The following LRPAP1 variants were observed in gnomAD, a reference collection of about 807,000 sequenced individuals.
The protein encoded by LRPAP1 is LDL receptor related protein associated protein 1.
LRPAP1 carries 41 observed loss-of-function variants against 39.9 expected under a neutral mutation model. That is an observed-to-expected ratio of 1.03 (90% CI 0.80 to 1.33). The LOEUF (loss-of-function observed/expected upper bound fraction) is 1.33, where lower values mean the gene tolerates loss of function less well. LRPAP1 is among the 40% of genes most tolerant of loss of function. LRPAP1 has a pLI of 0.00. For synonymous variants in LRPAP1, 263 were observed against 212.7 expected (o/e 1.24, Z -2.06); for missense variants, 565 against 482.3 (o/e 1.17, Z -1.61).
rs1454094570 is a variant in LRPAP1, at chr4:3,517,714, G to A, written c.751+320C>T. On this transcript the variant is annotated intron_variant, in intron 5 of 7. Transcript: ENST00000650182. ...GAGCTATGTTTGACGAGTGGTCTCTGTTCTTGGCCAACAGCAGCACGGGAG... is the reference window on the plus strand; with the variant it reads ...GAGCTATGTTTGACGAGTGGTCTCTATTCTTGGCCAACAGCAGCACGGGAG... 9 of 255,512 alleles carry A rather than the reference G, an allele frequency of 3.5e-5. No homozygotes were observed. The Admixed American group carries it at 5.0e-4, about 14-fold the overall frequency. 15.8% of individuals were successfully genotyped at this position (255,512 alleles called of 1,614,324 possible). A position where few individuals can be genotyped will look rare whatever the true frequency, so the allele number is the denominator to read the frequency against.
intron 1 of LRPAP1, 59 bp from the exon 2 acceptor site, chr4:3,525,110 G>C: frequency 6.2e-7 from 1 of 1,600,560 alleles, no homozygotes; most frequent in East Asian, 2.2e-5. Flanking sequence ...GACACAGCGA[G>C]AAACTGACCT....
At chr4:3,526,994 A>G in intron 1 of LRPAP1, among the ~76,000 whole-genome samples, 1 of 152,246 alleles carries the variant, frequency 6.6e-6, no homozygotes, top group Non-Finnish European at 1.5e-5. Context: ...CGGTAGGCAC[A>G]AAATGAATGG....
At position 3,514,775 on chromosome 4, in the gene LRPAP1, GC is replaced by G; in HGVS notation, c.987del (p.Arg330GlyfsTer9). The G allele has an allele frequency of 6.2e-6, 10 of 1,610,788 alleles. No individual in the cohort carries two copies. Among genetic ancestry groups the G allele is most frequent in the Non-Finnish European group, 8.5e-6 (10 of 1,179,342 alleles). On this transcript the variant is annotated frameshift_variant, in exon 7 of 8. Coordinates refer to ENST00000650182, the MANE Select transcript of LRPAP1 (RefSeq NM_002337.4). LOFTEE classifies it high-confidence loss of function. ...RSREKHALLEGRTKELGYTVK... is the reference protein window; with the variant it reads ...RSREKHALLEXRTKELGYTVK... ...ACCGTGTAGCCCAGCTCCTTGGTCC[GC>G]CCCTCCAGCAGGGCGTGCTTCTCGC...
At chr4:3,514,730 C>A in intron 7 of LRPAP1, 22 bp downstream of exon 7, 1 of 1,578,496 alleles carries the variant, frequency 6.3e-7, no homozygotes, top group South Asian at 1.1e-5. Context: ...GTGGCCTCCC[C>A]GGTCCTGGAA....
At chr4:3,523,759 T>A (rs1729993230) in intron 2 of LRPAP1, among the ~76,000 whole-genome samples, 1 of 152,048 alleles carries the variant, frequency 6.6e-6, no homozygotes, top group African/African-American at 2.4e-5. Context: ...CATCAGCGCG[T>A]GTGAAAAGCA....
chr4:3,529,461 G>C (rs923733289), intron 1 of LRPAP1, among the ~76,000 whole-genome samples: 1 of 152,222 alleles, frequency 6.6e-6, no homozygotes, highest in African/African-American at 2.4e-5. Context: ...GCAGACCCTG[G>C]AGCTTACTCC....
rs1033187892 is a variant in LRPAP1, at chr4:3,504,240, C to T, written c.*8734G>A. The T allele has an allele frequency of 3.3e-5, 5 of 152,300 alleles. No individual in the cohort carries two copies. 9.4% of individuals were successfully genotyped at this position (152,300 alleles called of 1,614,324 possible). A position where few individuals can be genotyped will look rare whatever the true frequency, so the allele number is the denominator to read the frequency against. On this transcript the variant is annotated 3_prime_UTR_variant, in exon 8 of 8. Coordinates refer to ENST00000650182, the MANE Select transcript of LRPAP1 (RefSeq NM_002337.4). ...AAAGCCTCAGCCCCAAACCCGGTCT[C>T]AGAGGCTTAAGAACCCTCTCCAGGA...
intron 7 of LRPAP1, among the ~76,000 whole-genome samples, chr4:3,513,740 T>A (rs1049067442): frequency 6.6e-6 from 1 of 152,100 alleles, no homozygotes; most frequent in Admixed American, 6.5e-5. Context: ...GCCCAGAGCA[T>A]CCCCACAGAT....
intron 5 of LRPAP1, chr4:3,517,823 G>A (rs1040527038): frequency 5.7e-6 from 3 of 522,800 alleles, no homozygotes; most frequent in Admixed American, 3.9e-5. Context: ...TAGTCTCCAG[G>A]TACAAGGCTG....
intron 2 of LRPAP1, among the ~76,000 whole-genome samples, chr4:3,521,772 C>T (rs1010662753): frequency 1.3e-5 from 2 of 152,208 alleles, no homozygotes; most frequent in Admixed American, 6.5e-5. Flanking sequence ...GCACGGGTCC[C>T]GTAGATGCAT....
chr4:3,524,550 G>C (rs1730019556), intron 2 of LRPAP1, among the ~76,000 whole-genome samples: 1 of 152,222 alleles, frequency 6.6e-6, no homozygotes, highest in Non-Finnish European at 1.5e-5. Flanking sequence ...GGGCGCATCT[G>C]TGCTCGGAGG....
Position 3,525,138 on chromosome 4 carries a change from C to T in LRPAP1, c.205-87G>A, listed in dbSNP as rs146294468. ...ACTGACCTCGGAGGAGGCTGGCCAC[C>T]GGGAGGTTCTGGGAGACCAGGAAGA... On this transcript the variant is annotated intron_variant, in intron 1 of 7. Transcript: ENST00000650182. 6.9e-4 allele frequency: 1,051 copies of T among 1,526,194 alleles called. 14 individuals are homozygous for T. In the South Asian group the frequency reaches 0.011, roughly 16 times the overall value. 94.5% of individuals were successfully genotyped at this position (1,526,194 alleles called of 1,614,324 possible).
intron 5 of LRPAP1, 122 bp downstream of exon 5, chr4:3,517,911 AG>A (rs1729770848): frequency 4.7e-6 from 6 of 1,272,872 alleles, no homozygotes; most frequent in Non-Finnish European, 6.4e-6. Flanking sequence ...GAGCGCGCCG[AG>A]GGTCTCCGCT....
Position 3,511,279 on chromosome 4 carries a change from G to A in LRPAP1, c.*1695C>T, listed in dbSNP as rs1438326413. ...GAGTGTTCACCACAGCTATTTCCAAGTGAGTGTTATTACCCCAGAAAGGAA... is the reference window on the plus strand; with the variant it reads ...GAGTGTTCACCACAGCTATTTCCAAATGAGTGTTATTACCCCAGAAAGGAA... On this transcript the variant is annotated 3_prime_UTR_variant, in exon 8 of 8. Coordinates refer to ENST00000650182, the MANE Select transcript of LRPAP1 (RefSeq NM_002337.4). 2 of 120,228 alleles carry A rather than the reference G, an allele frequency of 1.7e-5. No homozygotes were observed. The highest frequency in any genetic ancestry group is 3.2e-5 in the Non-Finnish European group (2 of 62,768). The allele number at this position is 120,228 out of a possible 1,614,324, so 7.4% of individuals were successfully genotyped here. A position where few individuals can be genotyped will look rare whatever the true frequency, so the allele number is the denominator to read the frequency against.
rs1474885506 is a variant in LRPAP1 at position 3,507,497 on chromosome 4, C to T, written c.*5477G>A. The T allele has an allele frequency of 3.5e-5, 5 of 143,060 alleles. No homozygotes were observed. Among genetic ancestry groups the T allele is most frequent in the African/African-American group, 1.3e-4 (5 of 38,996 alleles). The allele number at this position is 143,060 out of a possible 1,614,324, so 8.9% of individuals were successfully genotyped here. A position where few individuals can be genotyped will look rare whatever the true frequency, so the allele number is the denominator to read the frequency against. On this transcript the variant is annotated 3_prime_UTR_variant, in exon 8 of 8. Coordinates refer to ENST00000650182, the MANE Select transcript of LRPAP1 (RefSeq NM_002337.4). ...TCATATATTTATACATTATCATCTGCGAATTACTGACATTTGCTTTGGGTC... is the reference window on the plus strand; with the variant it reads ...TCATATATTTATACATTATCATCTGTGAATTACTGACATTTGCTTTGGGTC...
chr4:3,515,429 A>G (rs1464092811), intron 6 of LRPAP1, among the ~76,000 whole-genome samples: 1 of 152,114 alleles, frequency 6.6e-6, no homozygotes, highest in Non-Finnish European at 1.5e-5. Context: ...CCCCAGCCCC[A>G]GAGGGAAGCT....
intron 1 of LRPAP1, among the ~76,000 whole-genome samples, chr4:3,529,438 G>A (rs1284677760): frequency 6.6e-6 from 1 of 152,184 alleles, no homozygotes; most frequent in Non-Finnish European, 1.5e-5. Context: ...CCTGAGCGCC[G>A]CAGCTGGACC....
chr4:3,522,655 AGGACGGACGCCGCCCCACACCCCC>A (rs1729950289), intron 2 of LRPAP1, among the ~76,000 whole-genome samples: 3 of 113,876 alleles, frequency 2.6e-5, no homozygotes, highest in Admixed American at 8.6e-5. Context: ...CTGCCTGGGG[AGGACGGACGCCGCCCCACACCCCC>A]TGCCTGGGGA....
At chr4:3,518,370 C>CCAGGCGAGACAGGCGAGACAGGCGAGA (rs1805167) in intron 4 of LRPAP1, among the ~76,000 whole-genome samples, 178 bp from the exon 5 acceptor site, 10 of 151,410 alleles carry the variant, frequency 6.6e-5, no homozygotes, top group Non-Finnish European at 1.2e-4. Flanking sequence ...AGCTTCCTTT[C>CCAGGCGAGACAGGCGAGACAGGCGAGA]CAGGCGAGAC....
Sources: gnomAD v4.1 joint callset for allele counts (sites outside exome capture counted in the v4.1 genomes callset) on GRCh38, gnomAD v4.1.1 for gene constraint, MANE v1.5 for transcripts, NCBI Gene and HGNC (gene_info 2026-07-23, HGNC 2026-07-21) for gene names.